Variants in WDR7 observed in about 807,000 individuals in gnomAD.
The protein encoded by WDR7 is WD repeat-containing protein 7.
Under a neutral mutation model 169.4 loss-of-function variants are expected in WDR7, and 46 were observed. That is an observed-to-expected ratio of 0.27 (90% confidence interval 0.21 to 0.35). The LOEUF (loss-of-function observed/expected upper bound fraction) is 0.35, where lower values mean the gene tolerates loss of function less well. Ranked by LOEUF, WDR7 falls within the 10% of genes least tolerant of loss-of-function variation. WDR7 has a pLI of 1.00. For missense variants in WDR7, 1,534 were observed against 1,859.3 expected (o/e 0.83, Z 3.22); for synonymous variants, 612 against 666.8 (o/e 0.92, Z 1.27).
rs768119522 is a variant in WDR7 at position 56,682,832 on chromosome 18, A to G, written c.499A>G (p.Ile167Val). Residue 167 changes from isoleucine to valine, a missense_variant, in exon 5 of 28, where the codon ATT becomes GTT. By Grantham distance (29) the Ile-to-Val change is conservative. Transcript: ENST00000254442. ...SPDWISSMSI[I>V]RSHRTQEDTV... Reference sequence around the variant, plus strand: ...AGACTGGATTAGCTCCATGAGTATTATTCGATCCCACCGAACACAAGGTCA... The same window carrying G: ...AGACTGGATTAGCTCCATGAGTATTGTTCGATCCCACCGAACACAAGGTCA... 6.2e-7 allele frequency: 1 copy of G among 1,613,530 alleles called. No individual in the cohort carries two copies. Among genetic ancestry groups the G allele is most frequent in the African/African-American group, 1.3e-5 (1 of 74,910 alleles).
intron 2 of WDR7, among the ~76,000 whole-genome samples, chr18:56,676,172 T>C (rs1358902336): frequency 6.6e-6 from 1 of 152,198 alleles, no homozygotes; most frequent in African/African-American, 2.4e-5. Context: ...AGTCCTGTTT[T>C]GTCTAAGTGT....
chr18:56,780,588 G>A (rs969730008), intron 18 of WDR7, among the ~76,000 whole-genome samples: 9 of 152,130 alleles, frequency 5.9e-5, no homozygotes, highest in African/African-American at 1.9e-4. Flanking sequence ...GGAGGCCCAG[G>A]TGGGTGAGAC....
chr18:56,705,721 T>A (rs2430908), intron 12 of WDR7, among the ~76,000 whole-genome samples: 144,336 of 152,296 alleles, frequency 0.95, 68,869 homozygotes, highest in East Asian at 1. Flanking sequence ...ATGACTGGCC[T>A]GGCACGATGG....
At chr18:56,739,874 T>A (rs1247354121) in intron 14 of WDR7, among the ~76,000 whole-genome samples, 2 of 118,916 alleles carry the variant, frequency 1.7e-5, no homozygotes, top group Admixed American at 1.8e-4. Flanking sequence ...TACCTAGATG[T>A]GATTTTTTTT....
intron 16 of WDR7, among the ~76,000 whole-genome samples, chr18:56,765,353 T>C (rs1460512993): frequency 6.6e-6 from 1 of 152,102 alleles, no homozygotes; most frequent in Non-Finnish European, 1.5e-5. Flanking sequence ...TAAAAAGATT[T>C]TTTTTATGAT....
chr18:56,759,869 A>C (rs1005656607), intron 16 of WDR7, among the ~76,000 whole-genome samples: 1 of 152,126 alleles, frequency 6.6e-6, no homozygotes, highest in Non-Finnish European at 1.5e-5. Flanking sequence ...AAGTACTTTT[A>C]TCTCTCTTAG....
At chr18:56,686,473 A>G (rs1163207773) in intron 6 of WDR7, among the ~76,000 whole-genome samples, 2 of 152,118 alleles carry the variant, frequency 1.3e-5, no homozygotes, top group Non-Finnish European at 2.9e-5. Flanking sequence ...GACAATTTTG[A>G]TGCTACTCTC....
chr18:56,895,555 TA>T lies in WDR7; in HGVS notation c.3526+15400del, dbSNP rs1183081305. ...TTAAAATGATGCTCAAATTTAATAGTAAAAAAAAAACTCAACAATTATGGCT... is the reference window on the plus strand; with the variant it reads ...TTAAAATGATGCTCAAATTTAATAGTAAAAAAAAACTCAACAATTATGGCT... On this transcript the variant is annotated intron_variant, in intron 21 of 27. Transcript: ENST00000254442. Among the ~76,000 whole-genome samples, 440 of 147,802 alleles carry T rather than the reference TA, an allele frequency of 3.0e-3. 1 individual carries two copies. The highest frequency in any genetic ancestry group is 9.9e-3 in the African/African-American group (398 of 40,398).
intron 7 of WDR7, among the ~76,000 whole-genome samples, chr18:56,688,739 A>G (rs2025501127): frequency 6.6e-6 from 1 of 151,978 alleles, no homozygotes; most frequent in African/African-American, 2.4e-5. Flanking sequence ...GGGGAAAAAA[A>G]AAAAGGGGCA....
chr18:56,784,968 G>T (rs1322226212), intron 19 of WDR7, among the ~76,000 whole-genome samples: 1 of 151,410 alleles, frequency 6.6e-6, no homozygotes, highest in Admixed American at 6.6e-5. Flanking sequence ...ACTGAAACAT[G>T]CACTGACAAC....
intron 26 of WDR7, among the ~76,000 whole-genome samples, chr18:57,016,670 T>C (rs1441962283): frequency 2.0e-5 from 3 of 152,224 alleles, no homozygotes; most frequent in African/African-American, 7.2e-5. Flanking sequence ...GGGTTAATTA[T>C]ATTTCTTTGC....
chr18:57,034,836 C>T, the WDR7 span: 3 of 152,010 alleles, frequency 2.0e-5, no homozygotes, highest in Admixed American at 6.5e-5. Context: ...CTCTGAGACT[C>T]CTTAACATCT....
In WDR7 at chr18:56,674,680, T is replaced by C. The variant is rs1431628038; in HGVS notation, c.159+2006T>C. Among the ~76,000 whole-genome samples, 3 of 21,642 alleles carry C rather than the reference T, an allele frequency of 1.4e-4. No individual in the cohort carries two copies. In the East Asian group the frequency reaches 0.1, roughly 721 times the overall value. 14.2% of individuals were successfully genotyped at this position (21,642 alleles called of 152,430 possible). On this transcript the variant is annotated intron_variant, in intron 2 of 27. Coordinates refer to ENST00000254442, the MANE Select transcript of WDR7 (RefSeq NM_015285.3). The stretch of plus-strand genomic sequence containing the variant: ...ACAAAATATTTTAAGTTTGATAAAG[T>C]TCAGTTTATCTTTTTCCTTTGTTTG...
At chr18:56,884,688 C>A (rs2046161733) in intron 21 of WDR7, among the ~76,000 whole-genome samples, 1 of 152,200 alleles carries the variant, frequency 6.6e-6, no homozygotes, top group African/African-American at 2.4e-5. Context: ...CTGCCCCAAC[C>A]TGATGGTCTT....
chr18:56,865,631 AT>A (rs895632885), intron 20 of WDR7, among the ~76,000 whole-genome samples: 11 of 152,080 alleles, frequency 7.2e-5, no homozygotes, highest in Admixed American at 5.2e-4. Flanking sequence ...CATATATTGT[AT>A]TTGGAGAAAT....
At chr18:56,965,178 A>T (rs2047390566) in intron 26 of WDR7, among the ~76,000 whole-genome samples, 2 of 152,184 alleles carry the variant, frequency 1.3e-5, no homozygotes, top group Non-Finnish European at 2.9e-5. Flanking sequence ...ATATAAAGGG[A>T]TAACTAGAAA....
chr18:56,790,766 AAT>A (rs1433200440), intron 19 of WDR7, among the ~76,000 whole-genome samples: 1 of 152,010 alleles, frequency 6.6e-6, no homozygotes, highest in Non-Finnish European at 1.5e-5. Flanking sequence ...ATGTATTTTA[AAT>A]ATGTTTTAAT....
chr18:56,714,642 G>C (rs2026153324), intron 12 of WDR7, among the ~76,000 whole-genome samples: 1 of 151,768 alleles, frequency 6.6e-6, no homozygotes, highest in Non-Finnish European at 1.5e-5. Flanking sequence ...TTGAACTTTT[G>C]ACCTCAGGTG....
At chr18:56,795,572 T>C (rs932208715) in intron 19 of WDR7, among the ~76,000 whole-genome samples, 4 of 152,168 alleles carry the variant, frequency 2.6e-5, no homozygotes, top group East Asian at 1.9e-4. Context: ...TAATGACTCA[T>C]CTGCTCTCCC....
Sources: allele counts gnomAD v4.1 joint callset (sites outside exome capture counted in the v4.1 genomes callset), GRCh38; gene constraint gnomAD v4.1.1; transcripts MANE v1.5; gene names NCBI Gene and HGNC (gene_info 2026-07-23, HGNC 2026-07-21).